The following IL1RAPL1 variants were observed in gnomAD, a reference collection of about 807,000 sequenced individuals.
IL1RAPL1 encodes the protein interleukin-1 receptor accessory protein-like 1.
A neutral mutation model predicts 48.4 loss-of-function variants in IL1RAPL1; 3 were observed. The ratio of observed to expected loss-of-function variants is 0.06; its 90% CI spans 0.03 to 0.16. IL1RAPL1 has a LOEUF of 0.16. IL1RAPL1 is among the 10% of genes least tolerant of loss of function. IL1RAPL1 has a pLI of 1.00. For missense variants in IL1RAPL1, 349 were observed against 530.6 expected (o/e 0.66, Z 3.36); for synonymous variants, 185 against 187.7 (o/e 0.99, Z 0.12).
chrX:29,080,602 G>T (rs1425522982), intron 2 of IL1RAPL1, among the ~76,000 whole-genome samples: 5 of 108,989 alleles, frequency 4.6e-5, no homozygotes, highest in Non-Finnish European at 9.5e-5. Context: ...AATACATGCA[G>T]AAAGTTCTTA....
In IL1RAPL1 at chrX:29,917,536, T is replaced by C. The variant is rs1569202784; in HGVS notation, c.851T>C (p.Met284Thr). The stretch of plus-strand genomic sequence containing the variant: ...GATGTCAGTCCTTTAATTTACTGGA[T>C]GAAAGGAGAAAAATTTATTGAAGAT... ...SGDVSPLIYWMKGEKFIEDLD... is the reference protein window; with the variant it reads ...SGDVSPLIYWTKGEKFIEDLD... The change falls in exon 7 of 11, where the codon ATG (methionine) becomes ACG (threonine). Residue 284 changes from methionine (M) to threonine (T), a missense_variant. This residue lies in a region of IL1RAPL1 where 238 missense variants were observed against 337.8 expected (regional missense o/e 0.70). Transcript: ENST00000378993. 1 of 1,206,927 alleles carries C rather than the reference T, an allele frequency of 8.3e-7. No individual in the cohort carries two copies. The highest frequency in any genetic ancestry group is 1.1e-6 in the Non-Finnish European group (1 of 891,276).
At chrX:29,364,562 C>CAGAAAAAAAA (rs1933421226) in intron 3 of IL1RAPL1, among the ~76,000 whole-genome samples, 1 of 43,581 alleles carries the variant, frequency 2.3e-5, no homozygotes, top group Admixed American at 3.1e-4. Flanking sequence ...GACTCTATCT[C>CAGAAAAAAAA]AAAAAAAAAA....
chrX:28,978,551 C>A (rs965994694), intron 2 of IL1RAPL1, among the ~76,000 whole-genome samples: 1 of 111,730 alleles, frequency 9.0e-6, no homozygotes, highest in East Asian at 2.8e-4. Context: ...TGGGGTGATG[C>A]CTTGCTTTAG....
chrX:29,334,441 C>A (rs1932945871), intron 3 of IL1RAPL1, among the ~76,000 whole-genome samples: 1 of 110,384 alleles, frequency 9.1e-6, no homozygotes, highest in Admixed American at 9.3e-5. Context: ...GGGCGGCTGG[C>A]CGGGCGGGGG....
At chrX:29,607,070 G>T (rs1030766360) in intron 5 of IL1RAPL1, among the ~76,000 whole-genome samples, 11 of 111,882 alleles carry the variant, frequency 9.8e-5, no homozygotes, top group African/African-American at 3.2e-4. Context: ...ACTGAGTTTT[G>T]CATGATTTTT....
chrX:29,921,866 C>G (rs959049503), intron 8 of IL1RAPL1, among the ~76,000 whole-genome samples: 7 of 112,100 alleles, frequency 6.2e-5, no homozygotes, highest in African/African-American at 2.3e-4. Context: ...GTCTCTGAAC[C>G]TTTACTTCAC....
At chrX:28,986,581 T>C (rs2147378552) in intron 2 of IL1RAPL1, among the ~76,000 whole-genome samples, 1 of 112,416 alleles carries the variant, frequency 8.9e-6, no homozygotes, top group South Asian at 3.7e-4. Flanking sequence ...CAAAAGTGGG[T>C]TCTTCCTTCA....
chrX:28,987,805 G>A (rs1048893821), intron 2 of IL1RAPL1, among the ~76,000 whole-genome samples: 4 of 112,103 alleles, frequency 3.6e-5, no homozygotes, highest in African/African-American at 1.3e-4. Flanking sequence ...ATTAAAGTAA[G>A]TGTGCTGAAT....
chrX:29,748,940 G>C (rs1270309344), intron 6 of IL1RAPL1, among the ~76,000 whole-genome samples: 1 of 112,434 alleles, frequency 8.9e-6, no homozygotes, highest in Non-Finnish European at 1.9e-5. Flanking sequence ...TGATATTTTT[G>C]TTAAAATCTA....
At chrX:28,904,607 T>C (rs753502590) in intron 2 of IL1RAPL1, among the ~76,000 whole-genome samples, 1 of 112,372 alleles carries the variant, frequency 8.9e-6, no homozygotes, top group Non-Finnish European at 1.9e-5. Flanking sequence ...AGCCACAGTT[T>C]CCTTGTTCAT....
intron 5 of IL1RAPL1, among the ~76,000 whole-genome samples, chrX:29,516,523 A>G (rs1425717464): frequency 1.8e-5 from 2 of 108,733 alleles, no homozygotes; most frequent in African/African-American, 6.7e-5. Flanking sequence ...ATATAAATGT[A>G]CTAATCTGAT....
intron 5 of IL1RAPL1, among the ~76,000 whole-genome samples, chrX:29,514,729 C>T (rs1046170620): frequency 3.6e-5 from 4 of 112,480 alleles, no homozygotes; most frequent in Admixed American, 1.9e-4. Context: ...GGATTACAGG[C>T]GTGAGCCACC....
intron 3 of IL1RAPL1, among the ~76,000 whole-genome samples, chrX:29,386,201 G>A (rs1933775418): frequency 9.0e-6 from 1 of 110,800 alleles, no homozygotes; most frequent in Admixed American, 9.6e-5. Context: ...GTTAATTTTT[G>A]TATTTTTAGT....
At chrX:29,586,665 C>G (rs1923173340) in intron 5 of IL1RAPL1, among the ~76,000 whole-genome samples, 2 of 110,960 alleles carry the variant, frequency 1.8e-5, no homozygotes, top group Admixed American at 9.6e-5. Flanking sequence ...TTCTTCCAAT[C>G]CATGAACACG....
At chrX:29,430,125 GTC>G (rs56659248) in intron 5 of IL1RAPL1, among the ~76,000 whole-genome samples, 1 of 105,277 alleles carries the variant, frequency 9.5e-6, no homozygotes, top group Non-Finnish European at 1.9e-5. Context: ...CTCTCTGTCT[GTC>G]TCTCTCTCTC....
intron 2 of IL1RAPL1, among the ~76,000 whole-genome samples, chrX:28,845,665 G>A (rs1262930180): frequency 9.0e-6 from 1 of 110,703 alleles, no homozygotes; most frequent in Admixed American, 9.6e-5. Context: ...AACAATACAA[G>A]GTCAATCCTC....
At chrX:29,254,363 A>C (rs140078434) in intron 2 of IL1RAPL1, among the ~76,000 whole-genome samples, 3,155 of 111,232 alleles carry the variant, frequency 0.028, 96 homozygotes, top group African/African-American at 0.098. Context: ...ATTAAGAGGC[A>C]TCTTGTGTGA....
chrX:28,955,245 A>T (rs1446096620), intron 2 of IL1RAPL1, among the ~76,000 whole-genome samples: 1 of 111,582 alleles, frequency 9.0e-6, no homozygotes, highest in East Asian at 2.8e-4. Context: ...TGTAACTGAG[A>T]TAATCTCTTC....
intron 1 of IL1RAPL1, among the ~76,000 whole-genome samples, chrX:28,689,806 G>T (rs73547849): frequency 0.011 from 1,202 of 111,444 alleles, 13 homozygotes; most frequent in African/African-American, 0.037. Context: ...TACCCTGGTT[G>T]TCTGAGCAGT....
Sources: gnomAD v4.1 joint callset for allele counts (sites outside exome capture counted in the v4.1 genomes callset) on GRCh38, gnomAD v4.1.1 for gene constraint, gnomAD v4.1.1 regional missense constraint, MANE v1.5 for transcripts, NCBI Gene and HGNC (gene_info 2026-07-23, HGNC 2026-07-21) for gene names.